TMEM108: variants seen among roughly 807,000 people sequenced by gnomAD.
TMEM108 encodes cancer/testis antigen 124.
Under a neutral mutation model 35.1 loss-of-function variants are expected in TMEM108, and 12 were observed. The observed-to-expected ratio is 0.34, with a 90% CI of 0.22 to 0.55. TMEM108 has a LOEUF of 0.55. Ranked by LOEUF, TMEM108 falls within the 20% of genes least tolerant of loss-of-function variation. The probability of loss-of-function intolerance (pLI) is 0.89; values close to 1 mark genes in which losing one functional copy is unlikely to be tolerated. For synonymous variants in TMEM108, 287 were observed against 308.6 expected, an observed-to-expected ratio of 0.93 and a Z score of 0.73; for missense variants, 680 against 753.3, an observed-to-expected ratio of 0.90 and a Z score of 1.14.
rs1279871507 is a variant in TMEM108, at chr3:133,180,669, A to G, written c.-46-48597A>G. ...GTAACTTTGGTAAAATGTTCCCATG[A>G]GTTGTTAGAAAGATTTAACTAGCTT... is the stretch of plus-strand genomic sequence containing the variant. On this transcript the variant is annotated intron_variant, in intron 2 of 5. Transcript: ENST00000321871. Among the ~76,000 whole-genome samples, 7 of 152,280 alleles carry G rather than the reference A, an allele frequency of 4.6e-5. No homozygotes were observed. The East Asian group carries it at 1.3e-3, about 29-fold the overall frequency.
chr3:133,176,928 TAAA>T (rs1173142649), intron 2 of TMEM108, among the ~76,000 whole-genome samples: 3 of 151,556 alleles, frequency 2.0e-5, no homozygotes, highest in African/African-American at 7.3e-5. Flanking sequence ...GCAAGACTAA[TAAA>T]GAAGAAAAGA....
chr3:133,108,695 G>A (rs1944188802), intron 2 of TMEM108, among the ~76,000 whole-genome samples: 1 of 151,938 alleles, frequency 6.6e-6, no homozygotes, highest in African/African-American at 2.4e-5. Flanking sequence ...TAGGGACATG[G>A]ATGAAACTGG....
At chr3:133,143,004 A>T (rs920555641) in intron 2 of TMEM108, among the ~76,000 whole-genome samples, 13 of 152,220 alleles carry the variant, frequency 8.5e-5, no homozygotes, top group African/African-American at 2.4e-4. Context: ...GCTCCAGTGT[A>T]CTTTTAACCC....
chr3:133,054,103 T>C (rs1393306106), intron 2 of TMEM108, among the ~76,000 whole-genome samples: 1 of 152,198 alleles, frequency 6.6e-6, no homozygotes, highest in Non-Finnish European at 1.5e-5. Flanking sequence ...GGTAGAGCAG[T>C]GCTGGGGTAG....
chr3:133,198,387 A>T (rs1266124016), intron 2 of TMEM108, among the ~76,000 whole-genome samples: 1 of 152,178 alleles, frequency 6.6e-6, no homozygotes, highest in East Asian at 1.9e-4. Flanking sequence ...GCATATGGTA[A>T]GAGTGTGAAC....
intron 2 of TMEM108, among the ~76,000 whole-genome samples, chr3:133,062,635 G>T (rs937559531): frequency 2.0e-5 from 3 of 152,168 alleles, no homozygotes; most frequent in African/African-American, 7.2e-5. Flanking sequence ...ATTTGTTTTA[G>T]TCTAAAATCT....
intron 3 of TMEM108, among the ~76,000 whole-genome samples, chr3:133,275,878 G>C (rs1199637121): frequency 6.6e-6 from 1 of 152,172 alleles, no homozygotes; most frequent in South Asian, 2.1e-4. Context: ...TTGTGAGTCT[G>C]TATCACAAAA....
intron 1 of TMEM108, among the ~76,000 whole-genome samples, chr3:133,044,208 C>T (rs1387395970): frequency 6.6e-6 from 1 of 152,116 alleles, no homozygotes; most frequent in Admixed American, 6.5e-5. Context: ...TATGTAATGT[C>T]AATTTTCTGC....
intron 3 of TMEM108, among the ~76,000 whole-genome samples, chr3:133,233,078 T>A (rs1260769846): frequency 6.6e-6 from 1 of 151,126 alleles, no homozygotes; most frequent in South Asian, 2.1e-4. Context: ...TTAGGGTACA[T>A]GTGCACAATG....
intron 2 of TMEM108, among the ~76,000 whole-genome samples, chr3:133,176,802 A>G (rs2107797198): frequency 6.6e-6 from 1 of 152,206 alleles, no homozygotes; most frequent in East Asian, 1.9e-4. Context: ...AGAAGGCAAG[A>G]AATAACTAAA....
chr3:133,300,304 C>T (rs1947202482), intron 3 of TMEM108, among the ~76,000 whole-genome samples: 1 of 152,102 alleles, frequency 6.6e-6, no homozygotes, highest in Non-Finnish European at 1.5e-5. Flanking sequence ...TGCCTGGCAA[C>T]CTACAGCCAG....
At position 133,390,349 on chromosome 3, in the gene TMEM108, A is replaced by G; in HGVS notation, c.1605+15A>G. The G allele has an allele frequency of 6.2e-7, 1 of 1,613,274 alleles. No homozygotes were observed. Among genetic ancestry groups the G allele is most frequent in the South Asian group, 1.1e-5 (1 of 90,978 alleles). ...AAACCTCTGAGGTAATGAGCTTGAA[A>G]GTGCTGGCCCCACTGCAGGGAAACC... On this transcript the variant is annotated intron_variant, in intron 5 of 5. Transcript: ENST00000321871.
intron 3 of TMEM108, among the ~76,000 whole-genome samples, chr3:133,363,680 A>AT (rs2072423438): frequency 1.3e-5 from 2 of 152,180 alleles, no homozygotes; most frequent in Non-Finnish European, 1.5e-5. Flanking sequence ...TGCTGGGGTT[A>AT]TAAGCATAAG....
At chr3:133,100,049 A>G (rs1944067600) in intron 2 of TMEM108, among the ~76,000 whole-genome samples, 1 of 152,166 alleles carries the variant, frequency 6.6e-6, no homozygotes, top group Non-Finnish European at 1.5e-5. Flanking sequence ...GAACAAAGAG[A>G]CGTTTAATTG....
Position 133,352,524 on chromosome 3 carries a change from G to A in TMEM108, c.41-27228G>A, listed in dbSNP as rs141126137. Among the ~76,000 whole-genome samples, 338 of 152,328 alleles carry A rather than the reference G, an allele frequency of 2.2e-3. 7 individuals are homozygous for A. The highest frequency in any genetic ancestry group is 0.011 in the East Asian group (58 of 5,186). On this transcript the variant is annotated intron_variant, in intron 3 of 5. Coordinates refer to ENST00000321871, the MANE Select transcript of TMEM108 (RefSeq NM_023943.4). The stretch of plus-strand genomic sequence containing the variant: ...TAGATGCCAGTCACAAGTCCAGGTT[G>A]CCACCTATGCTTTTGACTGAGTGGC...
intron 2 of TMEM108, among the ~76,000 whole-genome samples, chr3:133,122,862 CAAA>C (rs11375073): frequency 2.9e-5 from 3 of 104,378 alleles, no homozygotes; most frequent in South Asian, 3.2e-4. Flanking sequence ...GACTCCATCT[CAAA>C]AAAAAAAAAA....
chr3:133,387,675 AT>A, intron 4 of TMEM108: 1 of 669,644 alleles, frequency 1.5e-6, no homozygotes, highest in Non-Finnish European at 1.8e-6. Flanking sequence ...GAAGGGGCTG[AT>A]TTGTTTCAGC....
At chr3:133,271,160 G>A (rs1946766116) in intron 3 of TMEM108, among the ~76,000 whole-genome samples, 1 of 152,078 alleles carries the variant, frequency 6.6e-6, no homozygotes, top group Non-Finnish European at 1.5e-5. Flanking sequence ...CCATCCCCAA[G>A]GGGCCAAAAT....
intron 3 of TMEM108, among the ~76,000 whole-genome samples, chr3:133,354,089 T>C (rs2072088741): frequency 6.6e-6 from 1 of 152,222 alleles, no homozygotes; most frequent in Non-Finnish European, 1.5e-5. Flanking sequence ...CTTCAGCTCA[T>C]TTTAGACTCC....
Sources: gnomAD v4.1 joint callset for allele counts (sites outside exome capture counted in the v4.1 genomes callset) on GRCh38, gnomAD v4.1.1 for gene constraint, MANE v1.5 for transcripts, NCBI Gene and HGNC (gene_info 2026-07-23, HGNC 2026-07-21) for gene names.